Variants in POPDC1 observed in about 807,000 individuals in gnomAD.
POPDC1 encodes popeye domain-containing protein 1.
At chr6:105,127,276 T>C in the POPDC1 span, among the ~76,000 whole-genome samples, 3 of 152,198 alleles carry the variant, frequency 2.0e-5, no homozygotes, top group Non-Finnish European at 4.4e-5. Context: ...GATTTACCTA[T>C]TTGGTGCTAT....
At chr6:105,099,159 G>A in the POPDC1 span, 9 of 152,138 alleles carry the variant, frequency 5.9e-5, no homozygotes, top group Non-Finnish European at 1.0e-4. Context: ...GTGTCCAGTC[G>A]ACAGTAGCCT....
the POPDC1 span, among the ~76,000 whole-genome samples, chr6:105,115,494 T>G: frequency 6.6e-6 from 1 of 152,384 alleles, no homozygotes; most frequent in African/African-American, 2.4e-5. Context: ...ATAATAGTTC[T>G]AAAGTTGGCT....
At chr6:105,103,703 G>T in the POPDC1 span, among the ~76,000 whole-genome samples, 2 of 152,106 alleles carry the variant, frequency 1.3e-5, no homozygotes, top group Non-Finnish European at 2.9e-5. Flanking sequence ...GAGGAAGTAG[G>T]ACTAACTGGT....
At chr6:105,129,832 C>T in the POPDC1 span, among the ~76,000 whole-genome samples, 2 of 152,238 alleles carry the variant, frequency 1.3e-5, no homozygotes, top group Admixed American at 6.5e-5. Context: ...GAATGTCTTG[C>T]AATTTAAAAT....
the POPDC1 span, chr6:105,124,547 C>A: frequency 6.3e-7 from 1 of 1,582,858 alleles, no homozygotes; most frequent in South Asian, 1.1e-5. Context: ...GAAAACATAC[C>A]TGGAATTTTT....
the POPDC1 span, chr6:105,125,338 C>T: frequency 6.3e-7 from 1 of 1,575,512 alleles, no homozygotes; most frequent in Non-Finnish European, 8.7e-7. Flanking sequence ...TTCCCAGAGG[C>T]CATGAAAAGA....
the POPDC1 span, chr6:105,133,511 T>A: frequency 6.2e-7 from 1 of 1,613,902 alleles, no homozygotes; most frequent in Non-Finnish European, 8.5e-7. Context: ...GGTATGATAC[T>A]TTCTAACTCA....
At chr6:105,120,786 C>T in the POPDC1 span, among the ~76,000 whole-genome samples, 1 of 152,152 alleles carries the variant, frequency 6.6e-6, no homozygotes, top group Non-Finnish European at 1.5e-5. Flanking sequence ...AATCAGAAAC[C>T]GCAGTGTGGC....
chr6:105,112,178 C>T, the POPDC1 span, among the ~76,000 whole-genome samples: 2 of 152,134 alleles, frequency 1.3e-5, no homozygotes, highest in African/African-American at 2.4e-5. Flanking sequence ...TTCATATGCA[C>T]ATTTAAGAAT....
the POPDC1 span, among the ~76,000 whole-genome samples, chr6:105,102,700 T>A: frequency 6.6e-6 from 1 of 152,206 alleles, no homozygotes; most frequent in Admixed American, 6.5e-5. Context: ...AACAGAATAA[T>A]GCATAGGATG....
the POPDC1 span, among the ~76,000 whole-genome samples, chr6:105,127,595 G>C: frequency 6.6e-6 from 1 of 151,208 alleles, no homozygotes; most frequent in Non-Finnish European, 1.5e-5. Context: ...GTGTGCTACC[G>C]CATCCAGCTG....
At chr6:105,119,689 G>C in the POPDC1 span, among the ~76,000 whole-genome samples, 2 of 152,170 alleles carry the variant, frequency 1.3e-5, no homozygotes, top group Admixed American at 1.3e-4. Context: ...GGGTGAAGGA[G>C]TTAAAAGAGG....
chr6:105,131,007 G>A, the POPDC1 span, among the ~76,000 whole-genome samples: 1 of 152,010 alleles, frequency 6.6e-6, no homozygotes, highest in African/African-American at 2.4e-5. Context: ...ATCTTCCTGT[G>A]TTTTCTTATT....
At chr6:105,115,148 G>A in the POPDC1 span, among the ~76,000 whole-genome samples, 2 of 152,190 alleles carry the variant, frequency 1.3e-5, no homozygotes, top group Admixed American at 6.5e-5. Context: ...GTGCAGTGGC[G>A]TGATCTCAAC....
At chr6:105,128,098 G>GT in the POPDC1 span, among the ~76,000 whole-genome samples, 3 of 152,152 alleles carry the variant, frequency 2.0e-5, no homozygotes, top group South Asian at 2.1e-4. Context: ...CTCATCAAAG[G>GT]TTTTTTTGAG....
the POPDC1 span, among the ~76,000 whole-genome samples, chr6:105,102,245 A>G: frequency 3.3e-5 from 5 of 152,212 alleles, no homozygotes; most frequent in African/African-American, 4.8e-5. Flanking sequence ...CTCACAGCAA[A>G]AGCGAGTGGA....
the POPDC1 span, among the ~76,000 whole-genome samples, chr6:105,110,798 C>G: frequency 6.6e-6 from 1 of 152,186 alleles, no homozygotes. Flanking sequence ...GTCCTCTTAG[C>G]TCAGCCTCCC....
chr6:105,133,560 G>C, the POPDC1 span: 1 of 1,610,128 alleles, frequency 6.2e-7, no homozygotes, highest in African/African-American at 1.3e-5. Context: ...TCAATGGGCT[G>C]GACTCTGTAT....
the POPDC1 span, among the ~76,000 whole-genome samples, chr6:105,126,275 GAAAGAA>G: frequency 1.3e-5 from 2 of 150,322 alleles, no homozygotes; most frequent in South Asian, 2.1e-4. Context: ...GAAAAGAAAA[GAAAGAA>G]AAAGAAAAAG....
Sources: gnomAD v4.1 joint callset for allele counts (sites outside exome capture counted in the v4.1 genomes callset) on GRCh38, gnomAD v4.1.1 for gene constraint, MANE v1.5 for transcripts, NCBI Gene and HGNC (gene_info 2026-07-23, HGNC 2026-07-21) for gene names.